Variants in B3GLCT observed in about 807,000 individuals in gnomAD.
B3GLCT encodes the protein beta 3-glucosyltransferase, also known as beta-1,3-glucosyltransferase.
A neutral mutation model predicts 63.4 loss-of-function variants in B3GLCT; 65 were observed. The ratio of observed to expected loss-of-function variants is 1.03; its 90% CI spans 0.84 to 1.26. The LOEUF (loss-of-function observed/expected upper bound fraction) is 1.26, where lower values mean the gene tolerates loss of function less well. Ranked by LOEUF, B3GLCT falls within the 50% of genes most tolerant of loss-of-function variation. The pLI, the probability that B3GLCT is intolerant of heterozygous loss-of-function variation, is 0.00. For synonymous variants in B3GLCT, 233 were observed against 219.2 expected, an observed-to-expected ratio of 1.06 and a Z score of -0.55; for missense variants, 577 against 604.8, an observed-to-expected ratio of 0.95 and a Z score of 0.48.
chr13:31,271,192 G>T (rs979714438), intron 8 of B3GLCT, among the ~76,000 whole-genome samples: 4 of 152,250 alleles, frequency 2.6e-5, no homozygotes, highest in Admixed American at 2.6e-4. Flanking sequence ...GTTGATCAGA[G>T]ATTCTCTGGG....
At chr13:31,291,699 G>A (rs1445453674) in intron 12 of B3GLCT, among the ~76,000 whole-genome samples, 1 of 152,162 alleles carries the variant, frequency 6.6e-6, no homozygotes, top group Non-Finnish European at 1.5e-5. Context: ...TTGCTTATCA[G>A]CTTAAGGAGA....
intron 12 of B3GLCT, chr13:31,311,675 A>G (rs532929136): frequency 1.3e-5 from 2 of 152,362 alleles, no homozygotes; most frequent in East Asian, 1.9e-4. Flanking sequence ...GCCCTCATGC[A>G]TGGCACCAGG....
rs777020391 is a variant in B3GLCT at position 31,229,214 on chromosome 13, A to G, written c.190A>G (p.Ser64Gly). 1 of 1,611,874 alleles carries G rather than the reference A, an allele frequency of 6.2e-7. No individual in the cohort carries two copies. Among genetic ancestry groups the G allele is most frequent in the Non-Finnish European group, 8.5e-7 (1 of 1,177,958 alleles). Reference sequence around the variant, plus strand: ...AAAAGGAATTGTATTCGTCATCCAGAGTCAAAGTAATTCTTTTCATGCAAA... The same window carrying G: ...AAAAGGAATTGTATTCGTCATCCAGGGTCAAAGTAATTCTTTTCATGCAAA... ...DLKGIVFVIQ[S>G]QSNSFHAKRA... The change falls in exon 4 of 15, where the codon AGT becomes GGT. Residue 64 changes from serine to glycine, a missense_variant. Physicochemically the swap from Ser to Gly is moderately conservative, Grantham distance 56 (BLOSUM62 0). Coordinates refer to ENST00000343307, the MANE Select transcript of B3GLCT (RefSeq NM_194318.4).
At chr13:31,236,148 A>G (rs749027438) in intron 4 of B3GLCT, among the ~76,000 whole-genome samples, 1 of 152,128 alleles carries the variant, frequency 6.6e-6, no homozygotes, top group Admixed American at 6.5e-5. Flanking sequence ...CCTGTTCCCT[A>G]TTCCTTTTTG....
chr13:31,250,374 C>G (rs1871372099), intron 6 of B3GLCT, among the ~76,000 whole-genome samples: 1 of 152,132 alleles, frequency 6.6e-6, no homozygotes, highest in African/African-American at 2.4e-5. Context: ...GGATTTTGCC[C>G]TGTTGGCCAG....
In B3GLCT at chr13:31,286,765, G is replaced by A. The variant is rs199794968; in HGVS notation, c.1010G>A (p.Arg337His). The change falls in exon 12 of 15, where the codon CGT becomes CAT. Residue 337 changes from arginine to histidine, a missense_variant. Coordinates refer to ENST00000343307, the MANE Select transcript of B3GLCT (RefSeq NM_194318.4). ...TFAILERFLN[R>H]SQDKTAWLVI... is the part of the protein sequence containing the mutation. ...GCCATTTTGGAAAGATTTCTGAATC[G>A]TAGCCAGGACAAAACAGCATGGTTA... 288 of 1,613,278 alleles carry A rather than the reference G, an allele frequency of 1.8e-4. 2 individuals are homozygous for A. The highest frequency in any genetic ancestry group is 1.7e-3 in the East Asian group (76 of 44,854).
At chr13:31,229,557 C>T (rs1870271111) in intron 4 of B3GLCT, among the ~76,000 whole-genome samples, 1 of 152,032 alleles carries the variant, frequency 6.6e-6, no homozygotes, top group African/African-American at 2.4e-5. Flanking sequence ...ACCAGCCTGG[C>T]CAACATGGCA....
Position 31,245,532 on chromosome 13 carries a change from G to GT in B3GLCT, c.271-1484dup, listed in dbSNP as rs1871158586. 2.0e-5 allele frequency among the ~76,000 whole-genome samples: 3 copies of GT among 151,756 alleles called. No homozygotes were observed. In the South Asian group the frequency reaches 6.2e-4, roughly 32 times the overall value. ...TGTTTTATTCTTGGAATCATGTCTG[G>GT]TTTTTTTCTATTAAACATAAAGACA... On this transcript the variant is annotated intron_variant, in intron 4 of 14. Transcript: ENST00000343307.
chr13:31,280,533 C>T (rs1873020440), intron 10 of B3GLCT, among the ~76,000 whole-genome samples: 1 of 152,100 alleles, frequency 6.6e-6, no homozygotes, highest in Non-Finnish European at 1.5e-5. Flanking sequence ...GTGATGGCCC[C>T]CACTCCTGCT....
chr13:31,237,606 T>C (rs1348540293), intron 4 of B3GLCT, among the ~76,000 whole-genome samples: 2 of 152,128 alleles, frequency 1.3e-5, no homozygotes, highest in Non-Finnish European at 2.9e-5. Context: ...CCACCCGCCT[T>C]GGCCTCCCAA....
At chr13:31,251,536 G>A (rs1871427399) in intron 6 of B3GLCT, among the ~76,000 whole-genome samples, 1 of 152,194 alleles carries the variant, frequency 6.6e-6, no homozygotes. Flanking sequence ...ACCTGATGGA[G>A]CTGAAAAACA....
intron 6 of B3GLCT, among the ~76,000 whole-genome samples, chr13:31,253,215 G>A (rs1344994469): frequency 6.6e-6 from 1 of 152,176 alleles, no homozygotes; most frequent in East Asian, 1.9e-4. Flanking sequence ...TTAAAGAAGT[G>A]TGTAGAGGGA....
At chr13:31,324,108 G>A (rs537246536) in intron 14 of B3GLCT, among the ~76,000 whole-genome samples, 18 of 152,270 alleles carry the variant, frequency 1.2e-4, no homozygotes, top group Middle Eastern at 3.4e-3. Context: ...AAAACGTCTC[G>A]AAAACCAAGT....
At chr13:31,226,153 G>A (rs1411259047) in intron 3 of B3GLCT, among the ~76,000 whole-genome samples, 2 of 152,158 alleles carry the variant, frequency 1.3e-5, no homozygotes, top group Non-Finnish European at 2.9e-5. Context: ...ACTCGCCCCC[G>A]ATTGTCTGGG....
intron 12 of B3GLCT, among the ~76,000 whole-genome samples, chr13:31,289,619 G>A (rs199993930): frequency 4.0e-5 from 6 of 150,184 alleles, no homozygotes; most frequent in Non-Finnish European, 7.4e-5. Flanking sequence ...CGTGCTAAAA[G>A]AAAAAAAAAA....
intron 2 of B3GLCT, among the ~76,000 whole-genome samples, chr13:31,217,957 C>G (rs887271756): frequency 6.6e-6 from 1 of 152,002 alleles, no homozygotes; most frequent in African/African-American, 2.4e-5. Flanking sequence ...TTTTCTAATT[C>G]TATGAAAAAT....
chr13:31,234,137 C>G lies in B3GLCT; in HGVS notation c.270+4843C>G, dbSNP rs578015840. Among the ~76,000 whole-genome samples, 206 of 152,224 alleles carry G rather than the reference C, an allele frequency of 1.4e-3. 3 individuals carry two copies. The South Asian group carries it at 0.041, about 30-fold the overall frequency. ...GGTTCATGCCATTCTCCTGCCTCAG[C>G]CTCCCGAGTAGCTGGGACTACAGGC... On this transcript the variant is annotated intron_variant, in intron 4 of 14. Transcript: ENST00000343307.
At chr13:31,238,634 A>G (rs1247642031) in intron 4 of B3GLCT, among the ~76,000 whole-genome samples, 1 of 152,218 alleles carries the variant, frequency 6.6e-6, no homozygotes, top group East Asian at 1.9e-4. Context: ...AGAAATTGTA[A>G]GTACAGAATC....
intron 4 of B3GLCT, among the ~76,000 whole-genome samples, chr13:31,239,682 G>A (rs746034638): frequency 4.2e-5 from 6 of 142,986 alleles, no homozygotes; most frequent in Non-Finnish European, 7.5e-5. Context: ...TGTCACCTGA[G>A]TCTTTTTTTT....
Sources: gnomAD v4.1 joint callset for allele counts (sites outside exome capture counted in the v4.1 genomes callset) on GRCh38, gnomAD v4.1.1 for gene constraint, MANE v1.5 for transcripts, NCBI Gene and HGNC (gene_info 2026-07-23, HGNC 2026-07-21) for gene names.